RBFOX1: variants seen among roughly 807,000 people sequenced by gnomAD.
The protein encoded by RBFOX1 is RNA binding fox-1 homolog 1.
RBFOX1 carries 8 observed loss-of-function variants against 57.7 expected under a neutral mutation model. That is an observed-to-expected ratio of 0.14 (90% CI 0.08 to 0.25). The LOEUF (loss-of-function observed/expected upper bound fraction) is 0.25. RBFOX1 is among the 10% of genes least tolerant of loss of function. The pLI is 1.00. For missense variants in RBFOX1, 611 were observed against 548.5 expected, an observed-to-expected ratio of 1.11 and a Z score of -1.14; for synonymous variants, 326 against 222.4, an observed-to-expected ratio of 1.47 and a Z score of -4.15.
intron 4 of RBFOX1, among the ~76,000 whole-genome samples, chr16:7,370,402 A>T (rs1476652904): frequency 1.3e-5 from 2 of 152,196 alleles, no homozygotes; most frequent in Non-Finnish European, 2.9e-5. Flanking sequence ...GACTCCTGTA[A>T]CTGATTCTGA....
At chr16:5,507,780 T>G (rs1179175908) in intron 2 of RBFOX1, among the ~76,000 whole-genome samples, 2 of 151,746 alleles carry the variant, frequency 1.3e-5, no homozygotes, top group African/African-American at 4.8e-5. Context: ...GTGGGAGAGG[T>G]GCAGCCACAA....
At chr16:6,507,604 G>T (rs1369269144) in intron 2 of RBFOX1, among the ~76,000 whole-genome samples, 24 of 151,964 alleles carry the variant, frequency 1.6e-4, no homozygotes, top group Admixed American at 1.6e-3. Flanking sequence ...CCAGGAGGTG[G>T]AGGCTGCAGT....
At chr16:6,649,235 T>C (rs932736596) in intron 2 of RBFOX1, among the ~76,000 whole-genome samples, 2 of 152,218 alleles carry the variant, frequency 1.3e-5, no homozygotes, top group Non-Finnish European at 2.9e-5. Flanking sequence ...AACACAGTGT[T>C]CTCCAGGTTC....
chr16:6,050,268 G>C (rs755863380), intron 1 of RBFOX1, among the ~76,000 whole-genome samples: 2 of 152,092 alleles, frequency 1.3e-5, no homozygotes, highest in Admixed American at 6.6e-5. Context: ...CCTGTATTAA[G>C]CATCTTTTAA....
At chr16:6,963,365 C>G (rs1293351085) in intron 3 of RBFOX1, among the ~76,000 whole-genome samples, 1 of 152,020 alleles carries the variant, frequency 6.6e-6, no homozygotes, top group Non-Finnish European at 1.5e-5. Flanking sequence ...AATCGAACCT[C>G]TATTTTTAGA....
chr16:7,206,788 A>C (rs2090069805), intron 4 of RBFOX1, among the ~76,000 whole-genome samples: 1 of 152,172 alleles, frequency 6.6e-6, no homozygotes, highest in Non-Finnish European at 1.5e-5. Context: ...AGAAATATGC[A>C]ACAGGGGAGA....
intron 2 of RBFOX1, among the ~76,000 whole-genome samples, chr16:6,531,213 C>G (rs573371204): frequency 6.6e-6 from 1 of 152,330 alleles, no homozygotes; most frequent in African/African-American, 2.4e-5. Flanking sequence ...TTCTCCAGCG[C>G]TCAGGGACAT....
At chr16:7,147,645 G>T (rs931100394) in intron 4 of RBFOX1, among the ~76,000 whole-genome samples, 2 of 152,174 alleles carry the variant, frequency 1.3e-5, no homozygotes, top group African/African-American at 4.8e-5. Context: ...CAATGAACAT[G>T]ATTTTGTTCT....
intron 3 of RBFOX1, among the ~76,000 whole-genome samples, chr16:6,763,600 AC>A (rs1177448290): frequency 6.6e-6 from 1 of 152,094 alleles, no homozygotes; most frequent in African/African-American, 2.4e-5. Context: ...ATCATCAACA[AC>A]CACTTGCCTT....
intron 4 of RBFOX1, among the ~76,000 whole-genome samples, chr16:7,415,335 C>A (rs1324128495): frequency 2.0e-5 from 3 of 152,214 alleles, no homozygotes; most frequent in East Asian, 3.9e-4. Context: ...GCCTGTGGAA[C>A]CAGATGGAGT....
chr16:5,241,912 G>A (rs1320462184), intron 1 of RBFOX1, among the ~76,000 whole-genome samples: 1 of 151,884 alleles, frequency 6.6e-6, no homozygotes, highest in Non-Finnish European at 1.5e-5. Context: ...ACCAGCCTGG[G>A]CAACGTGGTG....
At chr16:6,761,856 A>T (rs1283085518) in intron 3 of RBFOX1, among the ~76,000 whole-genome samples, 1 of 151,826 alleles carries the variant, frequency 6.6e-6, no homozygotes, top group Admixed American at 6.6e-5. Context: ...ACTCAAAGCA[A>T]CTACATCTCT....
At chr16:7,165,092 C>G (rs760715035) in intron 4 of RBFOX1, among the ~76,000 whole-genome samples, 1 of 152,104 alleles carries the variant, frequency 6.6e-6, no homozygotes, top group Non-Finnish European at 1.5e-5. Context: ...CTTTGGTAGC[C>G]AAGGATGCAA....
At chr16:5,570,884 T>G (rs1012733836) in intron 2 of RBFOX1, among the ~76,000 whole-genome samples, 12 of 151,800 alleles carry the variant, frequency 7.9e-5, no homozygotes, top group African/African-American at 2.9e-4. Context: ...ACTTATTAAG[T>G]TACTTGGAGA....
intron 3 of RBFOX1, among the ~76,000 whole-genome samples, chr16:5,718,723 A>G (rs1372130856): frequency 6.6e-6 from 1 of 152,184 alleles, no homozygotes; most frequent in East Asian, 1.9e-4. Context: ...CCTGGCCGAC[A>G]TGGTGGAATC....
intron 3 of RBFOX1, among the ~76,000 whole-genome samples, chr16:7,027,806 T>C (rs994395700): frequency 1.4e-5 from 2 of 146,546 alleles, no homozygotes; most frequent in African/African-American, 5.1e-5. Flanking sequence ...AAGGAAGAAA[T>C]AAATGAGAAA....
intron 4 of RBFOX1, among the ~76,000 whole-genome samples, chr16:7,456,562 T>C (rs748554720): frequency 3.3e-5 from 5 of 152,184 alleles, no homozygotes; most frequent in African/African-American, 4.8e-5. Context: ...TGTAATTTGG[T>C]CTCAGCAGTC....
chr16:6,899,365 C>T (rs893096210), intron 3 of RBFOX1, among the ~76,000 whole-genome samples: 9 of 152,264 alleles, frequency 5.9e-5, no homozygotes, highest in East Asian at 1.9e-4. Flanking sequence ...GCATTTTCTT[C>T]TTCCCTAGGC....
chr16:7,255,092 G>C (rs1360779115), intron 4 of RBFOX1, among the ~76,000 whole-genome samples: 1 of 152,050 alleles, frequency 6.6e-6, no homozygotes, highest in Non-Finnish European at 1.5e-5. Flanking sequence ...CTGTTATTTA[G>C]GGAGTATCCC....
Sources: allele counts gnomAD v4.1 joint callset (sites outside exome capture counted in the v4.1 genomes callset), GRCh38; gene constraint gnomAD v4.1.1; transcripts MANE v1.5; gene names NCBI Gene and HGNC (gene_info 2026-07-23, HGNC 2026-07-21).